NOC2L: variants seen among roughly 807,000 people sequenced by gnomAD.
NOC2L encodes the protein nucleolar complex protein 2 homolog.
In NOC2L, 101 loss-of-function variants were observed where a neutral mutation model predicts 94.2. The observed-to-expected ratio is 1.07, with a 90% confidence interval of 0.91 to 1.26. NOC2L has a LOEUF of 1.26. Ranked by LOEUF, NOC2L falls within the 50% of genes most tolerant of loss-of-function variation. NOC2L has a pLI of 0.00. For synonymous variants in NOC2L, 531 were observed against 413.4 expected, an observed-to-expected ratio of 1.28 and a Z score of -3.45; for missense variants, 1,076 against 980.1, an observed-to-expected ratio of 1.10 and a Z score of -1.31.
At chr1:955,137 C>T (rs1022272060) in intron 6 of NOC2L, among the ~76,000 whole-genome samples, 1 of 152,256 alleles carries the variant, frequency 6.6e-6, no homozygotes. Context: ...GCCTCCCAAT[C>T]GCTGCCTGTC....
intron 6 of NOC2L, 52 bp from the exon 7 acceptor site, chr1:954,134 A>C: frequency 6.4e-7 from 1 of 1,564,200 alleles, no homozygotes; most frequent in Non-Finnish European, 8.8e-7. Context: ...CTCGGACGCG[A>C]GGCTGCTCAG....
chr1:951,387 T>C, intron 11 of NOC2L, 149 bp from the exon 12 acceptor site: 1 of 646,860 alleles, frequency 1.5e-6, no homozygotes, highest in Non-Finnish European at 2.8e-6. Context: ...CCTGCACCCC[T>C]TGCCCAGCTA....
chr1:944,846 G>A (rs777904585), intron 18 of NOC2L, 46 bp from the exon 19 acceptor site: 10 of 1,409,900 alleles, frequency 7.1e-6, no homozygotes, highest in African/African-American at 4.3e-5. Flanking sequence ...TTATCAGGAA[G>A]AAGCCAGCCT....
chr1:948,159 G>A lies in NOC2L; in HGVS notation c.1631C>T (p.Pro544Leu), dbSNP rs139055451. 2.8e-4 allele frequency: 450 copies of A among 1,591,896 alleles called. 1 individual carries two copies. The African/African-American group carries it at 3.5e-3, about 13-fold the overall frequency. Residue 544 changes from proline to leucine, a missense_variant, in exon 14 of 19, where the codon CCG (proline) becomes CTG (leucine). Around this residue, in one of 3 missense-constraint regions of NOC2L, gnomAD observed 615 missense variants for 577.4 expected, o/e 1.07. Coordinates refer to ENST00000327044, the MANE Select transcript of NOC2L (RefSeq NM_015658.4). Reference protein sequence around the residue: ...LHSQAHCIGFPELVLPVVLQL... With the variant: ...LHSQAHCIGFLELVLPVVLQL... ...CAGGACCACAGGCAGCACCAGCTCC[G>A]GGAAGCCGATGCAGTGTGCCTGGCT...
rs561771231 is a variant in NOC2L, at chr1:944,280, G to C, written c.*414C>G. On this transcript the variant is annotated 3_prime_UTR_variant, in exon 19 of 19. Coordinates refer to ENST00000327044, the MANE Select transcript of NOC2L (RefSeq NM_015658.4). ...AAAACAAAAAATTTTAAAAGAAAATGTGACTTCAAAGGAAAGGAACAAATT... is the reference window on the plus strand; with the variant it reads ...AAAACAAAAAATTTTAAAAGAAAATCTGACTTCAAAGGAAAGGAACAAATT... 2 of 1,435,314 alleles carry C rather than the reference G, an allele frequency of 1.4e-6. No homozygotes were observed. The highest frequency in any genetic ancestry group is 3.0e-5 in the Admixed American group (1 of 33,786). The allele number at this position is 1,435,314 out of a possible 1,614,324, so 88.9% of individuals were successfully genotyped here. A position where few individuals can be genotyped will look rare whatever the true frequency, so the allele number is the denominator to read the frequency against.
chr1:951,277 C>G, intron 11 of NOC2L, 39 bp from the exon 12 acceptor site: 1 of 1,439,038 alleles, frequency 6.9e-7, no homozygotes, highest in Non-Finnish European at 9.6e-7. Flanking sequence ...GGCCCCGGCT[C>G]TGGCAGCCCC....
intron 6 of NOC2L, 140 bp from the exon 7 acceptor site, chr1:954,222 A>G: frequency 1.4e-6 from 1 of 728,064 alleles, no homozygotes; most frequent in Non-Finnish European, 2.3e-6. Context: ...AAAAAAGCTC[A>G]GGGCCCCTTA....
intron 4 of NOC2L, 132 bp from the exon 5 acceptor site, chr1:956,347 G>A: frequency 9.9e-7 from 1 of 1,009,602 alleles, no homozygotes. Context: ...GGGAGGCACA[G>A]AGCCCCATAC....
intron 12 of NOC2L, 87 bp downstream of exon 12, chr1:951,040 G>A (rs541902433): frequency 2.6e-5 from 28 of 1,062,782 alleles, no homozygotes; most frequent in Admixed American, 6.0e-5. Context: ...GGAAGTCGCC[G>A]GACAACTCAG....
At chr1:948,418 T>A in intron 13 of NOC2L, 72 bp downstream of exon 13, 1 of 1,207,784 alleles carries the variant, frequency 8.3e-7, no homozygotes, top group Non-Finnish European at 1.2e-6. Flanking sequence ...GCCAGCCCCC[T>A]CCCATCCACC....
At chr1:944,866 C>T in intron 18 of NOC2L, 66 bp from the exon 19 acceptor site, 1 of 1,293,948 alleles carries the variant, frequency 7.7e-7, no homozygotes, top group Non-Finnish European at 1.1e-6. Context: ...TTAGAGGTTA[C>T]TCATCACTAA....
At position 944,508 on chromosome 1, in the gene NOC2L, C is replaced by CAGCCG; in HGVS notation, c.*185_*186insCGGCT. 1 of 609,024 alleles carries CAGCCG rather than the reference C, an allele frequency of 1.6e-6. No homozygotes were observed. Among genetic ancestry groups the CAGCCG allele is most frequent in the Non-Finnish European group, 2.8e-6 (1 of 360,698 alleles). The allele number at this position is 609,024 out of a possible 1,614,324, so 37.7% of individuals were successfully genotyped here. On this transcript the variant is annotated 3_prime_UTR_variant, in exon 19 of 19. Coordinates refer to ENST00000327044, the MANE Select transcript of NOC2L (RefSeq NM_015658.4). ...AGCTGTGGGGCTTCAGCAGCCACAC[C>CAGCCG]AGCCCAGCCCAGCCCAGCTCTCGAT...
At position 946,473 on chromosome 1, in the gene NOC2L, G is replaced by A. The variant is rs559880802; in HGVS notation, c.1732C>T (p.Gln578Ter). 1 of 1,613,180 alleles carries A rather than the reference G, an allele frequency of 6.2e-7. No individual in the cohort carries two copies. The highest frequency in any genetic ancestry group is 8.5e-7 in the Non-Finnish European group (1 of 1,180,012). Residue 578 changes from glutamine (Q) to a stop codon, truncating the protein, a stop_gained, in exon 15 of 19, where the codon CAG (glutamine) becomes TAG (stop). Transcript: ENST00000327044. LOFTEE classifies it high-confidence loss of function. ...CTGCAGATGTATGCCGAGTTCTCCTGAACCTTCCCAAGCAGCTGCTGCACC... is the reference window on the plus strand; with the variant it reads ...CTGCAGATGTATGCCGAGTTCTCCTAAACCTTCCCAAGCAGCTGCTGCACC... ...RQVQQLLGKV[Q>*]ENSAYICSRR...
At chr1:945,476 T>A in intron 17 of NOC2L, 42 bp downstream of exon 17, 1 of 1,609,808 alleles carries the variant, frequency 6.2e-7, no homozygotes, top group Non-Finnish European at 8.5e-7. Context: ...AGCAGAGCCC[T>A]CCAGGCCCAC....
At chr1:954,999 G>C (rs1557621871) in intron 6 of NOC2L, among the ~76,000 whole-genome samples, 1 of 152,246 alleles carries the variant, frequency 6.6e-6, no homozygotes. Context: ...GACACTGGCT[G>C]CTGGGCACCT....
intron 18 of NOC2L, 74 bp downstream of exon 18, chr1:944,983 C>A: frequency 6.2e-7 from 1 of 1,605,090 alleles, no homozygotes; most frequent in Non-Finnish European, 8.5e-7. Flanking sequence ...GCCCCACGCC[C>A]CCCGCCCACG....
chr1:944,654 CCAGCCCGG>C lies in NOC2L; in HGVS notation c.*32_*39del, dbSNP rs1456430133. 1 of 1,332,400 alleles carries C rather than the reference CCAGCCCGG, an allele frequency of 7.5e-7. No homozygotes were observed. Among genetic ancestry groups the C allele is most frequent in the Non-Finnish European group, 1.1e-6 (1 of 950,940 alleles). The allele number at this position is 1,332,400 out of a possible 1,614,324, so 82.5% of individuals were successfully genotyped here. On this transcript the variant is annotated 3_prime_UTR_variant, in exon 19 of 19. Transcript: ENST00000327044. ...GCCAGGGAGGTGGAAACACTGGCCA[CCAGCCCGG>C]CAGCCCCTACAGGCCCCCCAGATGG...
chr1:952,178 A>C, intron 10 of NOC2L, 39 bp from the exon 11 acceptor site: 1 of 1,610,934 alleles, frequency 6.2e-7, no homozygotes. Flanking sequence ...GGCCAGGCTG[A>C]CAAGTCAGGC....
chr1:946,179 T>C lies in NOC2L; in HGVS notation c.1911A>G (p.Lys637=), dbSNP rs757574959. Residue 637 remains lysine (K), a synonymous_variant, in exon 16 of 19, where the codon AAA becomes AAG. Coordinates refer to ENST00000327044, the MANE Select transcript of NOC2L (RefSeq NM_015658.4). The stretch of plus-strand genomic sequence containing the variant: ...TCCCCTCGCCGAGCCGCACCCGCTC[T>C]TTGCCACTGATCTCCAGCTGGATCT... ...DREIQLEISG[K]ERLEDLNFPE... The C allele has an allele frequency of 6.2e-7, 1 of 1,610,050 alleles. No homozygotes were observed. The highest frequency in any genetic ancestry group is 8.5e-7 in the Non-Finnish European group (1 of 1,177,246).
Sources: gnomAD v4.1 joint callset for allele counts (sites outside exome capture counted in the v4.1 genomes callset) on GRCh38, gnomAD v4.1.1 for gene constraint, gnomAD v4.1.1 regional missense constraint, MANE v1.5 for transcripts, NCBI Gene and HGNC (gene_info 2026-07-23, HGNC 2026-07-21) for gene names.